The following EXOC6B variants were observed in gnomAD, a reference collection of about 807,000 sequenced individuals.
The protein encoded by EXOC6B is exocyst complex component 6B.
In EXOC6B, 54 loss-of-function variants were observed where a neutral mutation model predicts 113.5. The ratio of observed to expected loss-of-function variants is 0.48; its 90% CI spans 0.38 to 0.60. The LOEUF (loss-of-function observed/expected upper bound fraction) is 0.60. EXOC6B is among the 20% of genes least tolerant of loss of function. The pLI, the probability that EXOC6B is intolerant of heterozygous loss-of-function variation, is 0.00. For missense variants in EXOC6B, 797 were observed against 977.5 expected (o/e 0.82, Z 2.46); for synonymous variants, 357 against 339.0 (o/e 1.05, Z -0.58).
intron 6 of EXOC6B, among the ~76,000 whole-genome samples, chr2:72,681,949 AGAAG>A (rs1676733179): frequency 6.6e-6 from 1 of 151,906 alleles, no homozygotes; most frequent in East Asian, 1.9e-4. Flanking sequence ...GCCAAGAAAT[AGAAG>A]GAAGGCCTAA....
intron 18 of EXOC6B, among the ~76,000 whole-genome samples, chr2:72,424,817 T>C (rs1695109837): frequency 6.6e-6 from 1 of 152,226 alleles, no homozygotes; most frequent in Admixed American, 6.5e-5. Context: ...TATCTTCATA[T>C]TTGATAGCAT....
At chr2:72,640,220 G>C (rs1673130084) in intron 6 of EXOC6B, among the ~76,000 whole-genome samples, 1 of 152,096 alleles carries the variant, frequency 6.6e-6, no homozygotes. Context: ...ATTTCACAAT[G>C]CAATCACAAT....
At chr2:72,232,374 T>C (rs1323689348) in intron 20 of EXOC6B, among the ~76,000 whole-genome samples, 2 of 152,170 alleles carry the variant, frequency 1.3e-5, no homozygotes. Flanking sequence ...TGGGAGTAAA[T>C]TGGTAAAAAT....
intron 19 of EXOC6B, among the ~76,000 whole-genome samples, chr2:72,374,687 T>C (rs1026894685): frequency 3.3e-5 from 5 of 151,616 alleles, no homozygotes; most frequent in African/African-American, 4.8e-5. Flanking sequence ...ACTAAGAGTA[T>C]GATTAGATTG....
At chr2:72,563,849 G>A (rs1013531885) in intron 7 of EXOC6B, among the ~76,000 whole-genome samples, 9 of 151,942 alleles carry the variant, frequency 5.9e-5, no homozygotes. Context: ...TGAGGAAAAC[G>A]CCTTTACATA....
intron 18 of EXOC6B, among the ~76,000 whole-genome samples, chr2:72,401,516 CATATATACAT>C (rs1216112912): frequency 9.7e-5 from 2 of 20,528 alleles, no homozygotes; most frequent in Admixed American, 7.1e-4. Context: ...TATATATATA[CATATATACAT>C]ATATATATAT....
intron 8 of EXOC6B, among the ~76,000 whole-genome samples, chr2:72,541,501 C>T (rs899536368): frequency 6.6e-6 from 1 of 152,164 alleles, no homozygotes; most frequent in East Asian, 1.9e-4. Context: ...ATACAAAAGC[C>T]CTTCTCCTCC....
At chr2:72,651,266 GC>G (rs1335335403) in intron 6 of EXOC6B, among the ~76,000 whole-genome samples, 2 of 152,138 alleles carry the variant, frequency 1.3e-5, no homozygotes, top group Non-Finnish European at 2.9e-5. Flanking sequence ...CAAAATTCAG[GC>G]AGTATGAACA....
chr2:72,326,691 G>A (rs1421812759), intron 20 of EXOC6B, among the ~76,000 whole-genome samples: 1 of 151,984 alleles, frequency 6.6e-6, no homozygotes, highest in East Asian at 1.9e-4. Context: ...AGATTAGACT[G>A]ACAGTTCTGT....
At position 72,387,486 on chromosome 2, in the gene EXOC6B, T is replaced by C. The variant is rs548739593; in HGVS notation, c.1981-7616A>G. Among the ~76,000 whole-genome samples the C allele has an allele frequency of 1.4e-4, 22 of 152,284 alleles. No homozygotes were observed. The South Asian group carries it at 4.1e-3, about 29-fold the overall frequency. Reference sequence around the variant, plus strand: ...TTTCTTTGTGGGAGGGTTTTTAAAATATAAATTCAAATTCTTTATTACAAA... The same window carrying C: ...TTTCTTTGTGGGAGGGTTTTTAAAACATAAATTCAAATTCTTTATTACAAA... On this transcript the variant is annotated intron_variant, in intron 18 of 21. Transcript: ENST00000272427.
At chr2:72,517,458 T>C (rs1462378650) in intron 8 of EXOC6B, among the ~76,000 whole-genome samples, 4 of 152,108 alleles carry the variant, frequency 2.6e-5, no homozygotes, top group African/African-American at 9.7e-5. Context: ...TTTTCCTTCC[T>C]AGAAAATGAA....
chr2:72,520,927 A>G (rs1701448944), intron 8 of EXOC6B, among the ~76,000 whole-genome samples: 1 of 152,126 alleles, frequency 6.6e-6, no homozygotes, highest in Admixed American at 6.5e-5. Flanking sequence ...CAATTCCCCA[A>G]TTCCCCAATT....
intron 6 of EXOC6B, among the ~76,000 whole-genome samples, chr2:72,701,459 G>A (rs527691630): frequency 2.0e-5 from 3 of 151,658 alleles, no homozygotes; most frequent in African/African-American, 7.3e-5. Flanking sequence ...CATCAGCAAA[G>A]TAAACACCTA....
chr2:72,682,331 T>A (rs1676765354), intron 6 of EXOC6B, among the ~76,000 whole-genome samples: 1 of 152,120 alleles, frequency 6.6e-6, no homozygotes, highest in Admixed American at 6.5e-5. Context: ...AGAAACAAAA[T>A]CCCAGGAGTT....
At chr2:72,766,706 C>A (rs1250764912) in intron 1 of EXOC6B, among the ~76,000 whole-genome samples, 1 of 151,986 alleles carries the variant, frequency 6.6e-6, no homozygotes, top group South Asian at 2.1e-4. Context: ...GTAATCCCAG[C>A]ACTTTGGGAG....
chr2:72,664,707 T>A (rs757285536), intron 6 of EXOC6B, among the ~76,000 whole-genome samples: 1 of 152,042 alleles, frequency 6.6e-6, no homozygotes, highest in African/African-American at 2.4e-5. Flanking sequence ...GGGACTGGAG[T>A]ACATCTATTC....
At chr2:72,335,219 G>A (rs952397794) in intron 19 of EXOC6B, 199 bp from the exon 20 acceptor site, 12 of 565,512 alleles carry the variant, frequency 2.1e-5, no homozygotes, top group African/African-American at 2.1e-4. Context: ...CCAGCATCCT[G>A]ACAGCAAGGA....
At chr2:72,375,466 G>A (rs1295367375) in intron 19 of EXOC6B, among the ~76,000 whole-genome samples, 1 of 152,074 alleles carries the variant, frequency 6.6e-6, no homozygotes, top group Non-Finnish European at 1.5e-5. Context: ...TATGCTCTCT[G>A]ATCAAAATGA....
intron 6 of EXOC6B, among the ~76,000 whole-genome samples, chr2:72,652,576 T>C (rs1442847285): frequency 6.6e-6 from 1 of 151,568 alleles, no homozygotes; most frequent in East Asian, 1.9e-4. Context: ...ATTTCTGAAA[T>C]CTTGAGAGGA....
Sources: gnomAD v4.1 joint callset for allele counts (sites outside exome capture counted in the v4.1 genomes callset) on GRCh38, gnomAD v4.1.1 for gene constraint, MANE v1.5 for transcripts, NCBI Gene and HGNC (gene_info 2026-07-23, HGNC 2026-07-21) for gene names.